The following HMGXB4 variants were observed in gnomAD, a reference collection of about 807,000 sequenced individuals.
HMGXB4 encodes HMG domain-containing protein 4.
A neutral mutation model predicts 63.9 loss-of-function variants in HMGXB4; 27 were observed. That is an observed-to-expected ratio of 0.42 (90% CI 0.31 to 0.58). The LOEUF (loss-of-function observed/expected upper bound fraction) is 0.58. Ranked by LOEUF, HMGXB4 falls within the 20% of genes least tolerant of loss-of-function variation. The pLI, the probability that HMGXB4 is intolerant of heterozygous loss-of-function variation, is 0.13. For missense variants in HMGXB4, 624 were observed against 700.7 expected (o/e 0.89, Z 1.24); for synonymous variants, 264 against 265.3 (o/e 0.99, Z 0.05).
At chr22:35,267,849 T>C (rs1923357769) in intron 5 of HMGXB4, among the ~76,000 whole-genome samples, 1 of 152,254 alleles carries the variant, frequency 6.6e-6, no homozygotes, top group South Asian at 2.1e-4. Context: ...CCATGTTATC[T>C]TTCTTAATGT....
intron 1 of HMGXB4, among the ~76,000 whole-genome samples, chr22:35,261,549 A>T (rs1922858140): frequency 7.4e-6 from 1 of 134,286 alleles, no homozygotes. Context: ...AAAATTCAAT[A>T]AAAAATACAA....
At chr22:35,254,212 G>T (rs1215042897), upstream of HMGXB4, among the ~76,000 whole-genome samples, 2 of 152,202 alleles carry the variant, frequency 1.3e-5, no homozygotes, top group African/African-American at 4.8e-5. Flanking sequence ...CACTTAGGGA[G>T]TGCCCCCTCT....
intron 7 of HMGXB4, among the ~76,000 whole-genome samples, 171 bp downstream of exon 7, chr22:35,286,232 A>G (rs1245573804): frequency 6.6e-6 from 1 of 152,260 alleles, no homozygotes; most frequent in Non-Finnish European, 1.5e-5. Context: ...AGTTCACTGT[A>G]CATGAGGATT....
chr22:35,260,510 A>G (rs1027499792), intron 1 of HMGXB4, among the ~76,000 whole-genome samples: 2 of 152,240 alleles, frequency 1.3e-5, no homozygotes, highest in South Asian at 2.1e-4. Flanking sequence ...ATGCTGGAAC[A>G]TGGAAAACTG....
intron 5 of HMGXB4, among the ~76,000 whole-genome samples, chr22:35,282,368 G>C (rs141480707): frequency 1.2e-3 from 175 of 152,146 alleles, no homozygotes; most frequent in African/African-American, 3.9e-3. Flanking sequence ...AGTAGAGACG[G>C]GGTTTCACCG....
chr22:35,253,504 T>C (rs548660192), upstream of HMGXB4, among the ~76,000 whole-genome samples: 1 of 152,340 alleles, frequency 6.6e-6, no homozygotes, highest in African/African-American at 2.4e-5. Context: ...AGGACTAATG[T>C]CCTATTGCAA....
At chr22:35,288,541 C>T (rs1431693029) in intron 9 of HMGXB4, 134 bp downstream of exon 9, 7 of 505,318 alleles carry the variant, frequency 1.4e-5, no homozygotes, top group Non-Finnish European at 2.0e-5. Flanking sequence ...CTCAGGATGG[C>T]GTAACATAGA....
In HMGXB4 at chr22:35,288,356, G is replaced by A; in HGVS notation, c.1587G>A (p.Gln529=). Residue 529 remains glutamine (Q), a synonymous_variant, in exon 9 of 11, where the codon CAG becomes CAA. Coordinates refer to ENST00000216106, the MANE Select transcript of HMGXB4 (RefSeq NM_001003681.3). ...CCATTGATGTTGCTGCTCATCTTCA[G>A]CTGTTGGGAGAGTCCCTAAGCCTCA... The part of the protein sequence containing the change: ...TEPIDVAAHL[Q]LLGESLSLIG... The A allele has an allele frequency of 6.2e-7, 1 of 1,613,052 alleles. No individual in the cohort carries two copies.
Position 35,288,218 on chromosome 22 carries a change from C to T in HMGXB4, c.1469-20C>T, listed in dbSNP as rs1431496085. On this transcript the variant is annotated intron_variant, in intron 8 of 10. Coordinates refer to ENST00000216106, the MANE Select transcript of HMGXB4 (RefSeq NM_001003681.3). ...GCTGTAGGCAAGTTTTACCTGTCTG[C>T]CTCATTGCTCTGTTCTCAGCCTCTT... is the stretch of plus-strand genomic sequence containing the variant. The T allele has an allele frequency of 2.8e-6, 4 of 1,437,268 alleles. No homozygotes were observed. Among genetic ancestry groups the T allele is most frequent in the Non-Finnish European group, 3.7e-6 (4 of 1,085,470 alleles). 89.0% of individuals were successfully genotyped at this position (1,437,268 alleles called of 1,614,324 possible).
intron 2 of HMGXB4, 101 bp from the exon 3 acceptor site, chr22:35,262,977 A>G: frequency 8.0e-6 from 9 of 1,118,390 alleles, no homozygotes; most frequent in Non-Finnish European, 1.2e-5. Flanking sequence ...ACATTGTTTT[A>G]ATTTGGAAAT....
At chr22:35,281,709 G>C (rs927138907) in intron 5 of HMGXB4, among the ~76,000 whole-genome samples, 1 of 152,224 alleles carries the variant, frequency 6.6e-6, no homozygotes, top group Non-Finnish European at 1.5e-5. Context: ...ATTTGGCAGT[G>C]TGTAGACTTC....
intron 6 of HMGXB4, 143 bp from the exon 7 acceptor site, chr22:35,285,854 G>T: frequency 1.7e-6 from 1 of 601,750 alleles, no homozygotes; most frequent in Non-Finnish European, 2.9e-6. Context: ...AGAGTGATGG[G>T]ATTGGGGTTG....
At chr22:35,282,385 C>A (rs766925671) in intron 5 of HMGXB4, among the ~76,000 whole-genome samples, 1 of 152,074 alleles carries the variant, frequency 6.6e-6, no homozygotes, top group African/African-American at 2.4e-5. Flanking sequence ...ACCGTGTTAG[C>A]CAGGATGACC....
intron 5 of HMGXB4, among the ~76,000 whole-genome samples, chr22:35,266,672 C>T (rs1258421964): frequency 4.6e-5 from 7 of 152,144 alleles, no homozygotes; most frequent in East Asian, 3.8e-4. Context: ...CGACTAAGAA[C>T]GAGAAAATCA....
upstream of HMGXB4, among the ~76,000 whole-genome samples, chr22:35,253,623 G>A (rs201431814): frequency 1.2e-3 from 190 of 152,220 alleles, no homozygotes; most frequent in Non-Finnish European, 1.9e-3. Context: ...GCGCGTGTGT[G>A]TGTGTGTATG....
chr22:35,264,108 C>G, intron 4 of HMGXB4: 1 of 1,469,120 alleles, frequency 6.8e-7, no homozygotes, highest in Non-Finnish European at 9.2e-7. Flanking sequence ...TACCAGGTTC[C>G]TTCTCCCCCC....
At chr22:35,292,349 A>G (rs1376427524) in intron 9 of HMGXB4, among the ~76,000 whole-genome samples, 1 of 152,118 alleles carries the variant, frequency 6.6e-6, no homozygotes, top group Non-Finnish European at 1.5e-5. Context: ...TCCGGAGCTC[A>G]TTTTCTTAAG....
At position 35,294,848 on chromosome 22, in the gene HMGXB4, CCTG is replaced by C. The variant is rs1715283725; in HGVS notation, c.*1198_*1200del. On this transcript the variant is annotated 3_prime_UTR_variant, in exon 11 of 11. Coordinates refer to ENST00000216106, the MANE Select transcript of HMGXB4 (RefSeq NM_001003681.3). The stretch of plus-strand genomic sequence containing the variant: ...TTCCTTCCCTCTTTCCTTCCTTCCT[CCTG>C]GTCTGTTCCAAAAACTCTGAATCAT... 6.6e-6 allele frequency: 1 copy of C among 152,082 alleles called. No homozygotes were observed. Among genetic ancestry groups the C allele is most frequent in the Non-Finnish European group, 1.5e-5 (1 of 68,010 alleles). 9.4% of individuals were successfully genotyped at this position (152,082 alleles called of 1,614,324 possible).
intron 2 of HMGXB4, 143 bp downstream of exon 2, chr22:35,262,564 C>A (rs1922929877): frequency 2.3e-6 from 2 of 852,912 alleles, no homozygotes; most frequent in Admixed American, 4.2e-5. Context: ...ACTCAGCCTC[C>A]ACGCCATCCC....
Sources: allele counts gnomAD v4.1 joint callset (sites outside exome capture counted in the v4.1 genomes callset), GRCh38; gene constraint gnomAD v4.1.1; transcripts MANE v1.5; gene names NCBI Gene and HGNC (gene_info 2026-07-23, HGNC 2026-07-21).